CWC22: variants seen among roughly 807,000 people sequenced by gnomAD.
CWC22 encodes the protein pre-mRNA-splicing factor CWC22 homolog.
In CWC22, 53 loss-of-function variants were observed where a neutral mutation model predicts 117.2. The ratio of observed to expected loss-of-function variants is 0.45; its 90% CI spans 0.36 to 0.57. The LOEUF (loss-of-function observed/expected upper bound fraction) is 0.57, where lower values mean the gene tolerates loss of function less well. Ranked by LOEUF, CWC22 falls within the 20% of genes least tolerant of loss-of-function variation. The pLI is 0.00. For synonymous variants in CWC22, 360 were observed against 355.6 expected (o/e 1.01, Z -0.14); for missense variants, 980 against 1,068.8 (o/e 0.92, Z 1.16).
At chr2:179,979,741 T>C (rs1326099907) in intron 5 of CWC22, among the ~76,000 whole-genome samples, 1 of 152,214 alleles carries the variant, frequency 6.6e-6, no homozygotes, top group Non-Finnish European at 1.5e-5. Context: ...CACTGTTTCA[T>C]AACTCCAACC....
rs1226031426 is a variant in CWC22, at chr2:179,963,374, G to A, written c.1397+1173C>T. ...TTTTTTTTTTTTGAGACGGAGTCTC[G>A]CTCTGTCGCCCAGGCTGGAGTGCAG... On this transcript the variant is annotated intron_variant, in intron 13 of 19. Coordinates refer to ENST00000410053, the MANE Select transcript of CWC22 (RefSeq NM_020943.3). 8.5e-5 allele frequency among the ~76,000 whole-genome samples: 9 copies of A among 106,448 alleles called. No individual in the cohort carries two copies. The East Asian group carries it at 1.2e-3, about 14-fold the overall frequency. The allele number at this position is 106,448 out of a possible 152,430, so 69.8% of individuals were successfully genotyped here.
chr2:179,969,165 TAAAAAAGAAAG>T (rs1686969159), intron 11 of CWC22, among the ~76,000 whole-genome samples: 1 of 152,130 alleles, frequency 6.6e-6, no homozygotes, highest in African/African-American at 2.4e-5. Flanking sequence ...TTCTCAAGTT[TAAAAAAGAAAG>T]AAATCAAATC....
chr2:179,979,208 T>C (rs1687226709), intron 5 of CWC22, among the ~76,000 whole-genome samples: 1 of 152,194 alleles, frequency 6.6e-6, no homozygotes, highest in Admixed American at 6.5e-5. Context: ...ATACTAATCA[T>C]ACTAAAATTC....
rs368480828 is a variant in CWC22, at chr2:179,965,992, A to G, written c.1211-10T>C. The G allele has an allele frequency of 8.0e-4, 1,278 of 1,601,180 alleles. 1 individual carries two copies. The highest frequency in any genetic ancestry group is 1.0e-3 in the Non-Finnish European group (1,188 of 1,174,164). ...CCCTCATCAAGAATTTCTGTAAAGT[A>G]CAAAGTAAGTTTAGGAAAAAAATGT... On this transcript the variant is annotated splice_polypyrimidine_tract_variant and intron_variant, in intron 11 of 19. Transcript: ENST00000410053.
At chr2:179,959,489 A>T (rs1202443756) in intron 13 of CWC22, among the ~76,000 whole-genome samples, 22 of 152,172 alleles carry the variant, frequency 1.4e-4, no homozygotes, top group Non-Finnish European at 3.2e-4. Context: ...TGTAAATATA[A>T]TAAAACCACC....
intron 19 of CWC22, among the ~76,000 whole-genome samples, 196 bp downstream of exon 19, chr2:179,950,316 C>G (rs1686411656): frequency 1.3e-5 from 2 of 152,110 alleles, no homozygotes; most frequent in Admixed American, 1.3e-4. Flanking sequence ...ATGAGGATGT[C>G]AAAAGGTAAT....
intron 6 of CWC22, among the ~76,000 whole-genome samples, chr2:179,974,382 C>G (rs716531): frequency 0.66 from 99,790 of 152,062 alleles, 33,217 homozygotes; most frequent in Middle Eastern, 0.73. Flanking sequence ...TTAAAAGGTA[C>G]CTACTTGTAA....
intron 1 of CWC22, among the ~76,000 whole-genome samples, chr2:179,999,831 C>CA (rs1687801151): frequency 1.3e-5 from 2 of 152,046 alleles, no homozygotes; most frequent in Admixed American, 6.6e-5. Context: ...AAAACCAAAA[C>CA]AAAAACCTTA....
chr2:179,986,092 A>G (rs540985732), intron 4 of CWC22, among the ~76,000 whole-genome samples: 3 of 152,170 alleles, frequency 2.0e-5, no homozygotes, highest in African/African-American at 4.8e-5. Context: ...TCTCATTCCA[A>G]TGTTTCTTAC....
At chr2:179,993,834 C>A (rs565517730) in intron 1 of CWC22, among the ~76,000 whole-genome samples, 1 of 152,056 alleles carries the variant, frequency 6.6e-6, no homozygotes, top group East Asian at 1.9e-4. Flanking sequence ...AAGAGAAACT[C>A]TATATAAACT....
At chr2:179,962,054 A>G (rs3845701) in intron 13 of CWC22, among the ~76,000 whole-genome samples, 135,643 of 152,076 alleles carry the variant, frequency 0.89, 60,533 homozygotes, top group East Asian at 1. Flanking sequence ...TCCATCTCCC[A>G]CTGATGTTAC....
intron 16 of CWC22, among the ~76,000 whole-genome samples, chr2:179,953,402 CTCTT>C (rs1165864194): frequency 1.3e-5 from 2 of 152,106 alleles, no homozygotes; most frequent in African/African-American, 4.8e-5. Flanking sequence ...TCATCCTTCT[CTCTT>C]TCTTTCTTTC....
chr2:179,973,310 C>A, intron 7 of CWC22, 64 bp from the exon 8 acceptor site: 1 of 1,074,920 alleles, frequency 9.3e-7, no homozygotes, highest in Non-Finnish European at 1.4e-6. Context: ...TTTACATAAT[C>A]TATGGCCTAC....
intron 13 of CWC22, 68 bp from the exon 14 acceptor site, chr2:179,959,150 T>G (rs1686681544): frequency 1.1e-6 from 1 of 919,254 alleles, no homozygotes; most frequent in Non-Finnish European, 1.7e-6. Flanking sequence ...CACAAGAATC[T>G]TACTTTAATA....
At chr2:179,969,078 G>C (rs1359260617) in intron 11 of CWC22, among the ~76,000 whole-genome samples, 1 of 152,058 alleles carries the variant, frequency 6.6e-6, no homozygotes, top group Non-Finnish European at 1.5e-5. Context: ...AAGAATTTGA[G>C]AACTGCTATA....
chr2:179,954,626 C>G (rs548155978), intron 15 of CWC22, among the ~76,000 whole-genome samples: 16 of 152,124 alleles, frequency 1.1e-4, no homozygotes, highest in East Asian at 5.8e-4. Context: ...TTAGATCATG[C>G]TTTAATTGTG....
intron 5 of CWC22, among the ~76,000 whole-genome samples, chr2:179,979,459 T>C (rs1428747977): frequency 6.6e-6 from 1 of 152,166 alleles, no homozygotes; most frequent in Non-Finnish European, 1.5e-5. Flanking sequence ...TTCAATTTTT[T>C]CCCCAAACAC....
intron 17 of CWC22, among the ~76,000 whole-genome samples, chr2:179,951,252 G>A (rs543757027): frequency 6.6e-5 from 10 of 151,486 alleles, no homozygotes; most frequent in Non-Finnish European, 1.2e-4. Context: ...ATACACACAC[G>A]TATATATAGT....
intron 1 of CWC22, among the ~76,000 whole-genome samples, chr2:180,003,115 G>A (rs185728434): frequency 1.3e-5 from 2 of 152,316 alleles, no homozygotes; most frequent in East Asian, 3.9e-4. Flanking sequence ...GAATACAACA[G>A]CAGCGTTGTC....
Sources: allele counts gnomAD v4.1 joint callset (sites outside exome capture counted in the v4.1 genomes callset), GRCh38; gene constraint gnomAD v4.1.1; transcripts MANE v1.5; gene names NCBI Gene and HGNC (gene_info 2026-07-23, HGNC 2026-07-21).